Variants in DPT observed in about 807,000 individuals in gnomAD.
DPT encodes the protein tyrosine-rich acidic matrix protein.
Under a neutral mutation model 31.2 loss-of-function variants are expected in DPT, and 21 were observed. The ratio of observed to expected loss-of-function variants is 0.67; its 90% confidence interval spans 0.48 to 0.97. The LOEUF is 0.97. DPT is among the 50% of genes least tolerant of loss of function. The probability of loss-of-function intolerance (pLI) is 0.00; values close to 1 mark genes in which losing one functional copy is unlikely to be tolerated. For synonymous variants in DPT, 91 were observed against 86.9 expected (o/e 1.05, Z -0.26); for missense variants, 262 against 258.8 (o/e 1.01, Z -0.08).
chr1:168,720,974 C>T (rs1006780080), intron 1 of DPT, among the ~76,000 whole-genome samples: 10 of 152,180 alleles, frequency 6.6e-5, no homozygotes, highest in African/African-American at 9.7e-5. Context: ...TGCACTTGGT[C>T]TGGAATCTCT....
At chr1:168,702,913 G>A (rs1445803690) in intron 2 of DPT, among the ~76,000 whole-genome samples, 1 of 152,016 alleles carries the variant, frequency 6.6e-6, no homozygotes, top group Non-Finnish European at 1.5e-5. Context: ...CGCCCAGCAT[G>A]GTAAATGTCT....
At chr1:168,706,545 C>T (rs992915407) in intron 2 of DPT, among the ~76,000 whole-genome samples, 1 of 152,208 alleles carries the variant, frequency 6.6e-6, no homozygotes, top group Non-Finnish European at 1.5e-5. Context: ...CCCCAGGCTT[C>T]TTCCCACAAG....
intron 2 of DPT, among the ~76,000 whole-genome samples, chr1:168,709,888 A>C (rs748550815): frequency 1.3e-5 from 2 of 152,230 alleles, no homozygotes; most frequent in Non-Finnish European, 2.9e-5. Context: ...TAAAAGGATC[A>C]AATAAAATAA....
At chr1:168,724,322 A>G (rs1189094261) in intron 1 of DPT, among the ~76,000 whole-genome samples, 1 of 152,222 alleles carries the variant, frequency 6.6e-6, no homozygotes, top group South Asian at 2.1e-4. Context: ...TGGGAATCAA[A>G]GACATAAGCA....
At chr1:168,717,784 T>C (rs896740332) in intron 1 of DPT, among the ~76,000 whole-genome samples, 1 of 152,100 alleles carries the variant, frequency 6.6e-6, no homozygotes, top group African/African-American at 2.4e-5. Context: ...ATGACTGATG[T>C]AGCCTTCTTC....
chr1:168,708,675 AC>A (rs1649777477), intron 2 of DPT, among the ~76,000 whole-genome samples: 1 of 152,150 alleles, frequency 6.6e-6, no homozygotes, highest in Non-Finnish European at 1.5e-5. Context: ...CTGTTAACTA[AC>A]ATTAGGAGAT....
At chr1:168,702,451 C>G (rs566380651) in intron 2 of DPT, among the ~76,000 whole-genome samples, 4 of 152,196 alleles carry the variant, frequency 2.6e-5, no homozygotes, top group Non-Finnish European at 5.9e-5. Context: ...TTTCCTAAGA[C>G]GTAATTATGC....
chr1:168,701,251 G>T (rs140096800), intron 2 of DPT, 127 bp from the exon 3 acceptor site: 2 of 726,480 alleles, frequency 2.8e-6, no homozygotes, highest in Non-Finnish European at 4.8e-6. Flanking sequence ...GAAGTTAAAT[G>T]ACATCCACCA....
chr1:168,698,016 G>C (rs957234408), intron 3 of DPT, among the ~76,000 whole-genome samples: 1 of 152,106 alleles, frequency 6.6e-6, no homozygotes, highest in African/African-American at 2.4e-5. Context: ...AAGCTTGGTG[G>C]GGTCCTTTAC....
chr1:168,725,203 T>TCTTTCCTTTCCCTTCCTTTC (rs1650210656), intron 1 of DPT, among the ~76,000 whole-genome samples: 1 of 61,962 alleles, frequency 1.6e-5, no homozygotes, highest in Non-Finnish European at 3.0e-5. Context: ...CCTTTGCTTT[T>TCTTTCCTTTCCCTTCCTTTC]CTTTCCTTTC....
chr1:168,706,244 G>A (rs186459451), intron 2 of DPT, among the ~76,000 whole-genome samples: 81 of 152,178 alleles, frequency 5.3e-4, no homozygotes, highest in African/African-American at 1.6e-3. Context: ...CAACATTTGC[G>A]GATTTGGTGT....
intron 3 of DPT, among the ~76,000 whole-genome samples, chr1:168,698,605 T>G (rs1299788486): frequency 6.6e-6 from 1 of 152,104 alleles, no homozygotes; most frequent in Non-Finnish European, 1.5e-5. Context: ...GGGGCAAATT[T>G]GCTCCCCAAG....
intron 2 of DPT, among the ~76,000 whole-genome samples, chr1:168,713,561 A>G (rs1649912749): frequency 6.6e-6 from 1 of 152,156 alleles, no homozygotes. Flanking sequence ...TTGTGTTATC[A>G]ACACCCAGTG....
intron 1 of DPT, among the ~76,000 whole-genome samples, chr1:168,722,263 A>G (rs537781652): frequency 4.6e-5 from 7 of 152,198 alleles, no homozygotes; most frequent in Non-Finnish European, 8.8e-5. Context: ...AAATGTAATA[A>G]ATATTCAAGA....
chr1:168,727,913 T>G (rs1463156925), intron 1 of DPT, among the ~76,000 whole-genome samples: 2 of 152,108 alleles, frequency 1.3e-5, no homozygotes, highest in Non-Finnish European at 2.9e-5. Flanking sequence ...GCTCTACAGA[T>G]AGCACATGCA....
chr1:168,718,676 C>G (rs924968854), intron 1 of DPT, among the ~76,000 whole-genome samples: 2 of 152,078 alleles, frequency 1.3e-5, no homozygotes, highest in African/African-American at 2.4e-5. Flanking sequence ...ATCATCTGGG[C>G]GGGTTTCGTG....
intron 3 of DPT, among the ~76,000 whole-genome samples, chr1:168,696,974 G>A (rs1557844714): frequency 6.6e-6 from 1 of 152,072 alleles, no homozygotes; most frequent in Admixed American, 6.6e-5. Flanking sequence ...AAAGAATCTT[G>A]TTTTAGGCTG....
At chr1:168,697,707 C>T (rs2101897378) in intron 3 of DPT, among the ~76,000 whole-genome samples, 1 of 152,326 alleles carries the variant, frequency 6.6e-6, no homozygotes, top group East Asian at 1.9e-4. Context: ...ATATATCTGG[C>T]ATTGCACCAG....
intron 1 of DPT, among the ~76,000 whole-genome samples, chr1:168,715,902 A>T (rs1218317574): frequency 1.3e-5 from 2 of 152,234 alleles, no homozygotes; most frequent in Non-Finnish European, 2.9e-5. Context: ...CAGAGCAGGC[A>T]GTTGTCTATG....
Sources: gnomAD v4.1 joint callset for allele counts (sites outside exome capture counted in the v4.1 genomes callset) on GRCh38, gnomAD v4.1.1 for gene constraint, MANE v1.5 for transcripts, NCBI Gene and HGNC (gene_info 2026-07-23, HGNC 2026-07-21) for gene names.